WDR36: variants seen among roughly 807,000 people sequenced by gnomAD.
The protein encoded by WDR36 is WD repeat domain 36.
Under a neutral mutation model 112.7 loss-of-function variants are expected in WDR36, and 63 were observed. The observed-to-expected ratio is 0.56, with a 90% CI of 0.46 to 0.69. The LOEUF (loss-of-function observed/expected upper bound fraction) is 0.69. Among genes scored for constraint, WDR36 ranks in the 30% least tolerant of loss-of-function variants. The pLI, the probability that WDR36 is intolerant of heterozygous loss-of-function variation, is 0.00. For missense variants in WDR36, 1,226 were observed against 1,070.3 expected (o/e 1.15, Z -2.03); for synonymous variants, 410 against 362.2 (o/e 1.13, Z -1.50).
chr5:111,099,273 T>C (rs1355469148), intron 4 of WDR36, among the ~76,000 whole-genome samples: 1 of 152,082 alleles, frequency 6.6e-6, no homozygotes, highest in Non-Finnish European at 1.5e-5. Context: ...TTCTTTCAAC[T>C]GTGATAGCTT....
chr5:111,110,373 T>A, intron 13 of WDR36, 70 bp downstream of exon 13: 1 of 1,293,486 alleles, frequency 7.7e-7, no homozygotes, highest in Non-Finnish European at 1.1e-6. Context: ...AGCTGGTATG[T>A]ATAATCTTTA....
At chr5:111,099,474 T>G (rs1164161187) in intron 4 of WDR36, among the ~76,000 whole-genome samples, 43 of 139,722 alleles carry the variant, frequency 3.1e-4, no homozygotes, top group South Asian at 1.5e-3. Context: ...TTTTTTTTTT[T>G]TTTTTTTTTT....
intron 15 of WDR36, among the ~76,000 whole-genome samples, chr5:111,111,742 G>C (rs941206653): frequency 1.3e-5 from 2 of 151,742 alleles, no homozygotes; most frequent in South Asian, 4.1e-4. Flanking sequence ...TAATAAAAAT[G>C]TGCTTAAGTT....
chr5:111,119,351 C>T (rs1753520551), intron 17 of WDR36, among the ~76,000 whole-genome samples: 1 of 152,098 alleles, frequency 6.6e-6, no homozygotes, highest in Non-Finnish European at 1.5e-5. Flanking sequence ...TTGTCTGTTA[C>T]ATTTGGCTTT....
chr5:111,113,181 C>T (rs745472898), intron 16 of WDR36, 28 bp downstream of exon 16: 3 of 1,355,954 alleles, frequency 2.2e-6, no homozygotes, highest in Admixed American at 1.7e-5. Flanking sequence ...ATTCCCTAAC[C>T]TCTATAAGAT....
rs1471175479 is a variant in WDR36 at position 111,124,142 on chromosome 5, A to T, written c.2303A>T (p.Lys768Ile). 1 of 1,613,042 alleles carries T rather than the reference A, an allele frequency of 6.2e-7. No homozygotes were observed. The highest frequency in any genetic ancestry group is 1.7e-5 in the Admixed American group (1 of 59,996). Reference sequence around the variant, plus strand: ...GTAAATCTTGGAGTTTTGGCTCAAAAATCAGATTTCTGCTTGAAACTTGAA... The same window carrying T: ...GTAAATCTTGGAGTTTTGGCTCAAATATCAGATTTCTGCTTGAAACTTGAA... ...KVVNLGVLAQ[K>I]SDFCLKLEEG... Residue 768 changes from lysine (K) to isoleucine (I), a missense_variant, in exon 21 of 23, where the codon AAA becomes ATA. Lys to Ile is a moderately radical substitution (Grantham distance 102, BLOSUM62 -3). Coordinates refer to ENST00000513710, the MANE Select transcript of WDR36 (RefSeq NM_139281.3).
intron 6 of WDR36, 63 bp downstream of exon 6, chr5:111,102,462 G>T: frequency 6.7e-7 from 1 of 1,489,488 alleles, no homozygotes; most frequent in South Asian, 1.1e-5. Flanking sequence ...TCAGTTTCAG[G>T]AATCAATCAT....
chr5:111,092,705 C>G, intron 1 of WDR36, 87 bp downstream of exon 1: 1 of 1,417,774 alleles, frequency 7.1e-7, no homozygotes, highest in South Asian at 1.2e-5. Flanking sequence ...TCTCCCTTCC[C>G]ATTTACCACG....
intron 4 of WDR36, 81 bp from the exon 5 acceptor site, chr5:111,100,504 GACTT>G (rs1753101390): frequency 1.1e-6 from 1 of 908,462 alleles, no homozygotes; most frequent in Non-Finnish European, 1.7e-6. Flanking sequence ...TGATGTGATA[GACTT>G]ACTTTAAGTG....
intron 13 of WDR36, among the ~76,000 whole-genome samples, 169 bp from the exon 14 acceptor site, chr5:111,110,619 T>A (rs961188508): frequency 1.3e-5 from 2 of 151,696 alleles, no homozygotes; most frequent in Middle Eastern, 3.4e-3. Context: ...CGAACAGTAT[T>A]AATAATTAAG....
intron 19 of WDR36, among the ~76,000 whole-genome samples, chr5:111,122,826 T>C (rs1753594395): frequency 1.3e-5 from 2 of 152,192 alleles, no homozygotes; most frequent in South Asian, 4.1e-4. Context: ...CCATCAAATG[T>C]TCCTGAGAGG....
chr5:111,123,950 AGTATATCG>A (rs1481542661), intron 20 of WDR36, 26 bp downstream of exon 20: 2 of 1,612,896 alleles, frequency 1.2e-6, no homozygotes, highest in East Asian at 4.5e-5. Context: ...GAAGATTCTA[AGTATATCG>A]GTGTATGTTT....
chr5:111,119,179 A>G, intron 17 of WDR36, 59 bp downstream of exon 17: 1 of 1,374,070 alleles, frequency 7.3e-7, no homozygotes, highest in Non-Finnish European at 1.0e-6. Context: ...TCAGAGAGTT[A>G]GAGTTGCTAA....
At position 111,129,665 on chromosome 5, in the gene WDR36, A is replaced by G. The variant is rs1187739754; in HGVS notation, c.*2782A>G. On this transcript the variant is annotated 3_prime_UTR_variant, in exon 23 of 23. Coordinates refer to ENST00000513710, the MANE Select transcript of WDR36 (RefSeq NM_139281.3). ...TACTTAGCCATTTGGCTTTAATTTT[A>G]CATGGTGTCTGTTTAAATAAATGTT... 3 of 204,432 alleles carry G rather than the reference A, an allele frequency of 1.5e-5. No individual in the cohort carries two copies. The Admixed American group carries it at 1.8e-4, about 12-fold the overall frequency. The allele number at this position is 204,432 out of a possible 1,614,324, so 12.7% of individuals were successfully genotyped here. A position where few individuals can be genotyped will look rare whatever the true frequency, so the allele number is the denominator to read the frequency against.
rs771276992 is a variant in WDR36 at position 111,105,306 on chromosome 5, A to G, written c.1039A>G (p.Thr347Ala). The change falls in exon 10 of 23, where the codon ACT becomes GCT. Residue 347 changes from threonine to alanine, a missense_variant. Thr to Ala is a moderately conservative substitution (Grantham distance 58, BLOSUM62 0). Transcript: ENST00000513710. ...GTGTATATCAACAGGTCAAGATGGA[A>G]CTCTTCAGTCATTTTCCACGGTACA... ...QQILSASQDG[T>A]LQSFSTVHEK... The G allele has an allele frequency of 1.9e-6, 3 of 1,609,728 alleles. No homozygotes were observed. The highest frequency in any genetic ancestry group is 2.5e-6 in the Non-Finnish European group (3 of 1,177,092).
Position 111,092,534 on chromosome 5 carries a change from C to T in WDR36, c.78C>T (p.Asp26=). The T allele has an allele frequency of 1.2e-6, 2 of 1,614,248 alleles. No individual in the cohort carries two copies. The highest frequency in any genetic ancestry group is 3.3e-5 in the Admixed American group (2 of 60,032). ...GGGCCTTGGGACTTTTCAGCAACGA[C>T]ATTCCACACGTGGTGCGGTTCAGCG... ...GFRALGLFSN[D]IPHVVRFSAL... Residue 26 remains aspartate, a synonymous_variant, in exon 1 of 23, where the codon GAC becomes GAT. Coordinates refer to ENST00000513710, the MANE Select transcript of WDR36 (RefSeq NM_139281.3).
At chr5:111,112,544 C>A (rs1225134522) in intron 15 of WDR36, among the ~76,000 whole-genome samples, 1 of 151,984 alleles carries the variant, frequency 6.6e-6, no homozygotes, top group Non-Finnish European at 1.5e-5. Context: ...GTTTGTGCCT[C>A]ACAACCCTTA....
intron 19 of WDR36, 38 bp from the exon 20 acceptor site, chr5:111,123,767 A>G (rs184688451): frequency 1.2e-6 from 2 of 1,610,284 alleles, no homozygotes; most frequent in East Asian, 2.2e-5. Context: ...TGTTGGCAAG[A>G]TAATTCCTAT....
chr5:111,094,787 TGTCA>T (rs1393629948), intron 1 of WDR36, 129 bp from the exon 2 acceptor site: 3 of 709,488 alleles, frequency 4.2e-6, no homozygotes, highest in Non-Finnish European at 7.1e-6. Context: ...AGAAAATTAG[TGTCA>T]GTAAGTGTCT....
Sources: allele counts gnomAD v4.1 joint callset (sites outside exome capture counted in the v4.1 genomes callset), GRCh38; gene constraint gnomAD v4.1.1; transcripts MANE v1.5; gene names NCBI Gene and HGNC (gene_info 2026-07-23, HGNC 2026-07-21).